RGS22: variants seen among roughly 807,000 people sequenced by gnomAD.
RGS22 encodes the protein regulator of G-protein signaling 22.
Under a neutral mutation model 172.9 loss-of-function variants are expected in RGS22, and 148 were observed. The observed-to-expected ratio is 0.86, with a 90% confidence interval of 0.75 to 0.98. RGS22 has a LOEUF of 0.98. Ranked by LOEUF, RGS22 falls within the 50% of genes least tolerant of loss-of-function variation. The pLI is 0.00. For synonymous variants in RGS22, 458 were observed against 480.2 expected (o/e 0.95, Z 0.60); for missense variants, 1,347 against 1,440.8 (o/e 0.93, Z 1.05).
intron 19 of RGS22, among the ~76,000 whole-genome samples, chr8:99,998,605 C>A (rs1429044588): frequency 4.6e-5 from 7 of 151,978 alleles, no homozygotes; most frequent in Non-Finnish European, 7.4e-5. Flanking sequence ...AAACAAAAAA[C>A]CAAAAACTTG....
rs1812612250 is a variant in RGS22, at chr8:99,982,070, A to G, written c.3227T>C (p.Ile1076Thr). ...AATAAAGCAGTTGATAATAGTTGTA[A>G]TCTTCTTCTGGATGACAGACTCATC... Reference protein sequence around the residue: ...HCDESVIQKKITTIINCFINS... With the variant: ...HCDESVIQKKTTTIINCFINS... Residue 1076 changes from isoleucine to threonine, a missense_variant, in exon 22 of 28, where the codon ATT becomes ACT. Ile to Thr is a moderately conservative substitution (Grantham distance 89). Coordinates refer to ENST00000360863, the MANE Select transcript of RGS22 (RefSeq NM_015668.5). 6.2e-7 allele frequency: 1 copy of G among 1,613,758 alleles called. No homozygotes were observed. Among genetic ancestry groups the G allele is most frequent in the Non-Finnish European group, 8.5e-7 (1 of 1,179,854 alleles).
chr8:99,967,433 G>C (rs576643860), intron 23 of RGS22, among the ~76,000 whole-genome samples: 1 of 152,026 alleles, frequency 6.6e-6, no homozygotes, highest in South Asian at 2.1e-4. Flanking sequence ...AAGTGGTCTC[G>C]CTCAGTGGGT....
rs1311222143 is a variant in RGS22, at chr8:100,094,834, A to G, written c.55-1325T>C. ...CTAGTTTTTGCTAATTCTTATGAGAAAACATCTGAATTCTGGGTAGAAGGC... is the reference window on the plus strand; with the variant it reads ...CTAGTTTTTGCTAATTCTTATGAGAGAACATCTGAATTCTGGGTAGAAGGC... On this transcript the variant is annotated intron_variant, in intron 2 of 27. Coordinates refer to ENST00000360863, the MANE Select transcript of RGS22 (RefSeq NM_015668.5). Among the ~76,000 whole-genome samples, 3 of 152,242 alleles carry G rather than the reference A, an allele frequency of 2.0e-5. No homozygotes were observed. The East Asian group carries it at 5.8e-4, about 29-fold the overall frequency.
At chr8:100,053,559 T>C (rs1281902845) in intron 9 of RGS22, among the ~76,000 whole-genome samples, 1 of 152,192 alleles carries the variant, frequency 6.6e-6, no homozygotes, top group East Asian at 1.9e-4. Flanking sequence ...AAATATAAAA[T>C]GTACTTGGGA....
At chr8:100,022,733 A>T (rs531630866) in intron 14 of RGS22, among the ~76,000 whole-genome samples, 1 of 152,100 alleles carries the variant, frequency 6.6e-6, no homozygotes, top group African/African-American at 2.4e-5. Context: ...AAATTCAATT[A>T]AATTAATTAA....
chr8:99,962,533 C>T, intron 26 of RGS22, 90 bp from the exon 27 acceptor site: 2 of 1,474,632 alleles, frequency 1.4e-6, no homozygotes, highest in Middle Eastern at 1.7e-4. Context: ...AGGACTCACA[C>T]ACACGGAGAA....
chr8:100,093,905 A>C (rs1170284358), intron 2 of RGS22, among the ~76,000 whole-genome samples: 1 of 152,208 alleles, frequency 6.6e-6, no homozygotes, highest in Non-Finnish European at 1.5e-5. Context: ...AGTCAACAAG[A>C]AGCAGTGTTT....
At chr8:100,037,987 G>A (rs1819678791) in intron 14 of RGS22, among the ~76,000 whole-genome samples, 1 of 152,092 alleles carries the variant, frequency 6.6e-6, no homozygotes, top group Admixed American at 6.5e-5. Context: ...GTCAGGGTGG[G>A]GGAAGTAACA....
chr8:100,022,144 G>T (rs1473635138), intron 14 of RGS22, among the ~76,000 whole-genome samples: 2 of 152,046 alleles, frequency 1.3e-5, no homozygotes, highest in African/African-American at 4.8e-5. Context: ...AAGGACCTTG[G>T]GTTTTTCAAA....
intron 23 of RGS22, among the ~76,000 whole-genome samples, chr8:99,966,437 TAATTA>T (rs905417086): frequency 6.6e-6 from 1 of 151,286 alleles, no homozygotes; most frequent in African/African-American, 2.4e-5. Flanking sequence ...AATAAAAAAT[TAATTA>T]AATTTCCTTA....
intron 3 of RGS22, chr8:100,080,593 A>G: frequency 2.2e-6 from 1 of 446,534 alleles, no homozygotes. Context: ...GCTATGGCAG[A>G]AATTCCCTTT....
At chr8:99,995,774 G>A (rs1331376617) in intron 20 of RGS22, among the ~76,000 whole-genome samples, 1 of 152,166 alleles carries the variant, frequency 6.6e-6, no homozygotes, top group Non-Finnish European at 1.5e-5. Context: ...TATACCGAAA[G>A]TATTATAAAT....
At chr8:100,083,246 T>C (rs1278118186) in intron 3 of RGS22, among the ~76,000 whole-genome samples, 1 of 152,188 alleles carries the variant, frequency 6.6e-6, no homozygotes, top group African/African-American at 2.4e-5. Flanking sequence ...CTGGCTGTTA[T>C]CTCAGAGCTA....
At chr8:99,996,103 G>T (rs1814335995) in intron 20 of RGS22, among the ~76,000 whole-genome samples, 1 of 130,418 alleles carries the variant, frequency 7.7e-6, no homozygotes, top group South Asian at 2.5e-4. Flanking sequence ...ACACACTGGG[G>T]CCTGTTGGGG....
intron 11 of RGS22, among the ~76,000 whole-genome samples, chr8:100,044,418 T>C (rs1002822141): frequency 2.0e-5 from 3 of 152,176 alleles, no homozygotes; most frequent in Non-Finnish European, 4.4e-5. Flanking sequence ...GGCTAATTTT[T>C]GTATATTTAG....
chr8:100,065,111 T>C (rs1586183438), intron 7 of RGS22, among the ~76,000 whole-genome samples: 1 of 152,248 alleles, frequency 6.6e-6, no homozygotes, highest in South Asian at 2.1e-4. Context: ...CCATTCTCAA[T>C]GACCATTTTC....
At chr8:100,088,349 C>T (rs1812312579) in intron 3 of RGS22, among the ~76,000 whole-genome samples, 1 of 152,058 alleles carries the variant, frequency 6.6e-6, no homozygotes, top group Non-Finnish European at 1.5e-5. Context: ...ACATTTGAAA[C>T]CACCCACAGA....
chr8:100,080,628 T>G (rs1735589983), intron 3 of RGS22: 1 of 319,520 alleles, frequency 3.1e-6, no homozygotes, highest in African/African-American at 2.2e-5. Context: ...AGTCTGTGAT[T>G]ATTTGAAACT....
intron 16 of RGS22, among the ~76,000 whole-genome samples, 155 bp downstream of exon 16, chr8:100,005,862 A>G (rs1815636762): frequency 6.6e-6 from 1 of 152,150 alleles, no homozygotes; most frequent in African/African-American, 2.4e-5. Context: ...AAAATGTAAC[A>G]CCTGTCAAAT....
Sources: allele counts gnomAD v4.1 joint callset (sites outside exome capture counted in the v4.1 genomes callset), GRCh38; gene constraint gnomAD v4.1.1; transcripts MANE v1.5; gene names NCBI Gene and HGNC (gene_info 2026-07-23, HGNC 2026-07-21).